The following TRIO variants were observed in gnomAD, a reference collection of about 807,000 sequenced individuals.
TRIO encodes trio Rho guanine nucleotide exchange factor, also known as triple functional domain protein.
Under a neutral mutation model 351.9 loss-of-function variants are expected in TRIO, and 58 were observed. That is an observed-to-expected ratio of 0.16 (90% CI 0.13 to 0.21). The LOEUF (loss-of-function observed/expected upper bound fraction) is 0.21. TRIO is among the 10% of genes least tolerant of loss of function. The probability of loss-of-function intolerance (pLI) is 1.00; values close to 1 mark genes in which losing one functional copy is unlikely to be tolerated. For missense variants in TRIO, 3,201 were observed against 4,027.8 expected, an observed-to-expected ratio of 0.79 and a Z score of 5.56; for synonymous variants, 1,758 against 1,595.7, an observed-to-expected ratio of 1.10 and a Z score of -2.42.
intron 1 of TRIO, among the ~76,000 whole-genome samples, chr5:14,181,072 A>G (rs575272019): frequency 1.3e-4 from 17 of 133,278 alleles, no homozygotes; most frequent in African/African-American, 4.3e-4. Context: ...AAAAATAACA[A>G]TGGAATACTA....
intron 1 of TRIO, among the ~76,000 whole-genome samples, chr5:14,164,629 G>T (rs1023919504): frequency 1.1e-4 from 17 of 152,160 alleles, no homozygotes; most frequent in African/African-American, 4.1e-4. Flanking sequence ...CAACGTACTG[G>T]ATTTAAAGAG....
At chr5:14,223,026 T>A (rs1792748835) in intron 1 of TRIO, among the ~76,000 whole-genome samples, 1 of 152,170 alleles carries the variant, frequency 6.6e-6, no homozygotes, top group Non-Finnish European at 1.5e-5. Flanking sequence ...CTTTTGTCTC[T>A]GGGATAGCCT....
intron 10 of TRIO, among the ~76,000 whole-genome samples, chr5:14,334,792 A>G (rs1581642052): frequency 6.6e-6 from 1 of 152,196 alleles, no homozygotes; most frequent in African/African-American, 2.4e-5. Flanking sequence ...GAAGGAAGCC[A>G]CCTGCAGGTG....
intron 34 of TRIO, among the ~76,000 whole-genome samples, chr5:14,439,338 G>A (rs1029344872): frequency 6.6e-6 from 1 of 152,210 alleles, no homozygotes; most frequent in Non-Finnish European, 1.5e-5. Context: ...GAAGTGATCA[G>A]TCCCTAGGGA....
chr5:14,413,041 G>T (rs1027719511), intron 33 of TRIO, among the ~76,000 whole-genome samples: 1 of 152,146 alleles, frequency 6.6e-6, no homozygotes, highest in Non-Finnish European at 1.5e-5. Context: ...CTGTGTCTCC[G>T]TTATACAGAT....
chr5:14,349,404 A>G (rs954119859), intron 11 of TRIO, among the ~76,000 whole-genome samples: 11 of 152,064 alleles, frequency 7.2e-5, no homozygotes, highest in African/African-American at 2.7e-4. Context: ...ATTATTCCAT[A>G]TCTCTTTCCT....
intron 23 of TRIO, 105 bp from the exon 24 acceptor site, chr5:14,388,508 G>C: frequency 8.9e-7 from 1 of 1,119,716 alleles, no homozygotes; most frequent in East Asian, 2.4e-5. Flanking sequence ...ATCAATCTAA[G>C]ACTAATACTT....
chr5:14,311,986 A>G (rs187759125), intron 8 of TRIO, among the ~76,000 whole-genome samples: 2 of 152,090 alleles, frequency 1.3e-5, no homozygotes, highest in African/African-American at 2.4e-5. Context: ...ACTCATCTTT[A>G]TTTGGTCTTT....
intron 29 of TRIO, 163 bp downstream of exon 29, chr5:14,397,317 T>A: frequency 1.6e-6 from 1 of 620,354 alleles, no homozygotes; most frequent in Non-Finnish European, 2.8e-6. Flanking sequence ...GAGGACCACA[T>A]AAAATGTTTC....
At chr5:14,417,638 C>T (rs1260714381) in intron 33 of TRIO, among the ~76,000 whole-genome samples, 3 of 152,098 alleles carry the variant, frequency 2.0e-5, no homozygotes, top group South Asian at 2.1e-4. Flanking sequence ...CCCCATAGCC[C>T]GCAGCACACT....
intron 1 of TRIO, among the ~76,000 whole-genome samples, chr5:14,179,616 T>A (rs1380637412): frequency 6.6e-6 from 1 of 151,960 alleles, no homozygotes; most frequent in Non-Finnish European, 1.5e-5. Context: ...TTTTGATTTT[T>A]TTTTTTTCTT....
chr5:14,433,431 G>A (rs977893433), intron 34 of TRIO, among the ~76,000 whole-genome samples: 2 of 152,192 alleles, frequency 1.3e-5, no homozygotes, highest in Non-Finnish European at 1.5e-5. Context: ...CTGAACAGGA[G>A]TATCTTTGTG....
rs142485312 is a variant in TRIO at position 14,343,629 on chromosome 5, G to A, written c.2046+6902G>A. 1.2e-3 allele frequency among the ~76,000 whole-genome samples: 187 copies of A among 152,172 alleles called. 1 individual carries two copies. The highest frequency in any genetic ancestry group is 4.1e-3 in the African/African-American group (170 of 41,508). On this transcript the variant is annotated intron_variant, in intron 11 of 56. Coordinates refer to ENST00000344204, the MANE Select transcript of TRIO (RefSeq NM_007118.4). ...ATTGCTGAGTGGTATTTCATGGTCT[G>A]GATATATCACAGTTTATTTAACTAT...
intron 48 of TRIO, among the ~76,000 whole-genome samples, chr5:14,490,069 G>C (rs1756368963): frequency 6.6e-6 from 1 of 152,206 alleles, no homozygotes; most frequent in South Asian, 2.1e-4. Flanking sequence ...ACAAGGTCAG[G>C]AGTTCGAGGC....
intron 33 of TRIO, among the ~76,000 whole-genome samples, chr5:14,419,419 T>C (rs891447304): frequency 2.0e-5 from 3 of 152,294 alleles, no homozygotes; most frequent in African/African-American, 7.2e-5. Flanking sequence ...CGCCCAACAC[T>C]GGGTCAGAAC....
chr5:14,487,569 C>G lies in TRIO; in HGVS notation c.6941C>G (p.Pro2314Arg). The G allele has an allele frequency of 2.7e-6, 3 of 1,123,732 alleles. No homozygotes were observed. The highest frequency in any genetic ancestry group is 5.2e-5 in the Admixed American group (1 of 19,368). 69.6% of individuals were successfully genotyped at this position (1,123,732 alleles called of 1,614,324 possible). A position where few individuals can be genotyped will look rare whatever the true frequency, so the allele number is the denominator to read the frequency against. ...GGGGSGGGGA[P>R]SGGSGHSGGP... is the part of the protein sequence containing the mutation. ...GGGGGCAGCGGCGGCGGCGGGGCCC[C>G]CAGTGGCGGCAGCGGCCACAGTGGC... The change falls in exon 48 of 57, where the codon CCC becomes CGC. Residue 2314 changes from proline to arginine, a missense_variant. This residue lies in a region of TRIO where 1,089 missense variants were observed against 954.9 expected (regional missense o/e 1.14). Transcript: ENST00000344204.
intron 9 of TRIO, among the ~76,000 whole-genome samples, chr5:14,324,703 G>A (rs1398463187): frequency 6.6e-6 from 1 of 152,158 alleles, no homozygotes. Context: ...TTGCTTAATA[G>A]AAATAATGAT....
intron 53 of TRIO, chr5:14,498,948 A>C: frequency 3.3e-6 from 1 of 299,514 alleles, no homozygotes; most frequent in Non-Finnish European, 6.4e-6. Context: ...GCCCCCCACG[A>C]CCAGCTTCTG....
chr5:14,501,467 C>T (rs546076542), intron 53 of TRIO, among the ~76,000 whole-genome samples: 2 of 152,330 alleles, frequency 1.3e-5, no homozygotes, highest in Non-Finnish European at 2.9e-5. Context: ...CACGGGTTCA[C>T]TTGTAGTCAT....
Sources: allele counts gnomAD v4.1 joint callset (sites outside exome capture counted in the v4.1 genomes callset), GRCh38; gene constraint gnomAD v4.1.1; regional missense constraint gnomAD v4.1.1; transcripts MANE v1.5; gene names NCBI Gene and HGNC (gene_info 2026-07-23, HGNC 2026-07-21).